PRDM16: variants seen among roughly 807,000 people sequenced by gnomAD.
The protein encoded by PRDM16 is PR/SET domain 16, also known as histone-lysine N-methyltransferase PRDM16.
Under a neutral mutation model 110.6 loss-of-function variants are expected in PRDM16, and 23 were observed. That is an observed-to-expected ratio of 0.21 (90% CI 0.15 to 0.29). The LOEUF (loss-of-function observed/expected upper bound fraction) is 0.29, where lower values mean the gene tolerates loss of function less well. Ranked by LOEUF, PRDM16 falls within the 10% of genes least tolerant of loss-of-function variation. The probability of loss-of-function intolerance (pLI) is 1.00; values close to 1 mark genes in which losing one functional copy is unlikely to be tolerated. For missense variants in PRDM16, 1,615 were observed against 1,794.3 expected (o/e 0.90, Z 1.81); for synonymous variants, 799 against 781.8 (o/e 1.02, Z -0.37).
chr1:3,357,556 G>A lies in PRDM16; in HGVS notation c.439-27596G>A, dbSNP rs112968255. On this transcript the variant is annotated intron_variant, in intron 3 of 16. Coordinates refer to ENST00000270722, the MANE Select transcript of PRDM16 (RefSeq NM_022114.4). ...CCTTCCCCTTGATCCAGGAAGCGCC[G>A]TTCCCCCCACGGGCCCCCAGCCAGT... Among the ~76,000 whole-genome samples, 29 of 151,588 alleles carry A rather than the reference G, an allele frequency of 1.9e-4. 1 individual carries two copies. Among genetic ancestry groups the A allele is most frequent in the African/African-American group, 5.6e-4 (23 of 40,938 alleles).
rs746072518 is a variant in PRDM16, at chr1:3,380,251, G to GC, written c.439-4895dup. Reference sequence around the variant, plus strand: ...TGGAGGAAGGGTTAGCGCCCACCTGGCCCCCCTCAGAGGTGCCCCTCTGTG... The same window carrying GC: ...TGGAGGAAGGGTTAGCGCCCACCTGGCCCCCCCTCAGAGGTGCCCCTCTGTG... On this transcript the variant is annotated intron_variant, in intron 3 of 16. Transcript: ENST00000270722. 9.9e-5 allele frequency among the ~76,000 whole-genome samples: 15 copies of GC among 151,842 alleles called. No individual in the cohort carries two copies. In the East Asian group the frequency reaches 2.6e-3, roughly 26 times the overall value.
At chr1:3,147,019 C>T (rs1314340694) in intron 1 of PRDM16, among the ~76,000 whole-genome samples, 1 of 107,240 alleles carries the variant, frequency 9.3e-6, no homozygotes, top group African/African-American at 3.9e-5. Context: ...GGGGTATGCG[C>T]ACGTGTGTGC....
intron 4 of PRDM16, among the ~76,000 whole-genome samples, chr1:3,391,343 C>G (rs931139504): frequency 2.6e-5 from 4 of 152,162 alleles, no homozygotes; most frequent in African/African-American, 9.7e-5. Context: ...CCCTTTGGAA[C>G]AAACTGATCC....
chr1:3,405,319 C>T (rs1643541813), intron 7 of PRDM16, among the ~76,000 whole-genome samples, 176 bp from the exon 8 acceptor site: 1 of 152,226 alleles, frequency 6.6e-6, no homozygotes, highest in East Asian at 1.9e-4. Flanking sequence ...TCACTTAAGG[C>T]CCTGCAGCGG....
chr1:3,331,423 G>C (rs1255157870), intron 3 of PRDM16, among the ~76,000 whole-genome samples: 1 of 151,860 alleles, frequency 6.6e-6, no homozygotes, highest in African/African-American at 2.4e-5. Context: ...CAGGACCCCA[G>C]GTACAGAGGG....
At chr1:3,258,807 T>A (rs10909912) in intron 3 of PRDM16, among the ~76,000 whole-genome samples, 2 of 152,064 alleles carry the variant, frequency 1.3e-5, no homozygotes, top group Admixed American at 6.5e-5. Context: ...GCGCGGCGGC[T>A]TCTGCCGGGG....
intron 2 of PRDM16, among the ~76,000 whole-genome samples, chr1:3,204,071 A>G (rs1638694049): frequency 6.6e-6 from 1 of 152,264 alleles, no homozygotes; most frequent in African/African-American, 2.4e-5. Context: ...ATTAGAACTC[A>G]GGGCCAGTGA....
chr1:3,364,590 C>T (rs966235811), intron 3 of PRDM16, among the ~76,000 whole-genome samples: 3 of 152,178 alleles, frequency 2.0e-5, no homozygotes, highest in African/African-American at 7.2e-5. Context: ...AGTAATGACC[C>T]TGGGCTCCTG....
chr1:3,285,619 G>A (rs1162794712), intron 3 of PRDM16, among the ~76,000 whole-genome samples: 1 of 152,218 alleles, frequency 6.6e-6, no homozygotes, highest in Non-Finnish European at 1.5e-5. Context: ...ATTGGCCGTG[G>A]TCATAGCCAG....
intron 2 of PRDM16, among the ~76,000 whole-genome samples, chr1:3,195,039 G>T (rs1334474621): frequency 6.6e-6 from 1 of 152,224 alleles, no homozygotes; most frequent in Non-Finnish European, 1.5e-5. Flanking sequence ...GAGCGCACCG[G>T]CCAGTGGATG....
chr1:3,087,960 A>T (rs1238425125), intron 1 of PRDM16, among the ~76,000 whole-genome samples: 1 of 151,884 alleles, frequency 6.6e-6, no homozygotes, highest in Non-Finnish European at 1.5e-5. Flanking sequence ...CCGTCCCCCG[A>T]GACACCCCTG....
At chr1:3,411,331 G>T in intron 8 of PRDM16, 53 bp from the exon 9 acceptor site, 1 of 1,551,332 alleles carries the variant, frequency 6.4e-7, no homozygotes. Context: ...GTTTTCAGCA[G>T]GGTTTCCCGG....
chr1:3,322,264 G>A lies in PRDM16; in HGVS notation c.439-62888G>A, dbSNP rs531234157. Reference sequence around the variant, plus strand: ...GTGGCAGTGGTTTTCTGTCAAAGCCGAGTGTATAGCAGTGGCCTGGGAGCT... The same window carrying A: ...GTGGCAGTGGTTTTCTGTCAAAGCCAAGTGTATAGCAGTGGCCTGGGAGCT... On this transcript the variant is annotated intron_variant, in intron 3 of 16. Transcript: ENST00000270722. Among the ~76,000 whole-genome samples the A allele has an allele frequency of 3.2e-4, 48 of 152,258 alleles. 1 individual carries two copies. The South Asian group carries it at 8.7e-3, about 28-fold the overall frequency.
chr1:3,287,732 C>T (rs865929816), intron 3 of PRDM16, among the ~76,000 whole-genome samples: 4 of 139,486 alleles, frequency 2.9e-5, no homozygotes, highest in Admixed American at 6.8e-5. Context: ...TTGCATTTAC[C>T]GGGGCTGGAG....
chr1:3,083,761 C>T (rs1642085957), intron 1 of PRDM16, among the ~76,000 whole-genome samples: 1 of 152,140 alleles, frequency 6.6e-6, no homozygotes, highest in African/African-American at 2.4e-5. Flanking sequence ...CTCCTCACCC[C>T]ACCATTATCC....
intron 3 of PRDM16, among the ~76,000 whole-genome samples, chr1:3,318,907 G>A (rs769053407): frequency 2.6e-5 from 4 of 152,316 alleles, no homozygotes; most frequent in South Asian, 2.1e-4. Context: ...TAGGAAAAGC[G>A]CAACTGTGAG....
rs189052534 is a variant in PRDM16 at position 3,088,400 on chromosome 1, C to A, written c.37+19104C>A. On this transcript the variant is annotated intron_variant, in intron 1 of 16. Transcript: ENST00000270722. ...AATCCAGAAACCAGTAACAACCCCC[C>A]CAGCAGGCTTTCCCCCGAATACTCT... Among the ~76,000 whole-genome samples, 87 of 152,250 alleles carry A rather than the reference C, an allele frequency of 5.7e-4. No homozygotes were observed. The East Asian group carries it at 0.016, about 28-fold the overall frequency.
intron 3 of PRDM16, among the ~76,000 whole-genome samples, chr1:3,362,611 G>A (rs1379710733): frequency 6.6e-6 from 1 of 152,158 alleles, no homozygotes; most frequent in Non-Finnish European, 1.5e-5. Context: ...AGGGCCTTCG[G>A]GTCACAGATG....
intron 3 of PRDM16, among the ~76,000 whole-genome samples, chr1:3,377,063 C>A (rs1301206801): frequency 3.3e-5 from 5 of 152,264 alleles, no homozygotes; most frequent in South Asian, 2.1e-4. Flanking sequence ...TCAATTGTGA[C>A]CATTGTGTGT....
Sources: gnomAD v4.1 joint callset for allele counts (sites outside exome capture counted in the v4.1 genomes callset) on GRCh38, gnomAD v4.1.1 for gene constraint, MANE v1.5 for transcripts, NCBI Gene and HGNC (gene_info 2026-07-23, HGNC 2026-07-21) for gene names.